Variants in DGKZ observed in about 807,000 individuals in gnomAD.
DGKZ encodes diacylglycerol kinase zeta.
Under a neutral mutation model 142.5 loss-of-function variants are expected in DGKZ, and 45 were observed. The observed-to-expected ratio is 0.32, with a 90% CI of 0.25 to 0.40. DGKZ has a LOEUF of 0.40. DGKZ is among the 10% of genes least tolerant of loss of function. DGKZ has a pLI of 1.00. For missense variants in DGKZ, 755 were observed against 1,306.5 expected (o/e 0.58, Z 6.51); for synonymous variants, 442 against 527.0 (o/e 0.84, Z 2.21).
At chr11:46,345,274 C>T, upstream of DGKZ, 11 of 1,359,408 alleles carry the variant, frequency 8.1e-6, no homozygotes, top group South Asian at 1.9e-5. The surrounding 1 kb of genome is among the most constrained non-coding windows in gnomAD (Gnocchi z 4.1). Flanking sequence ...GGCAGCTGGC[C>T]CCAGCCAGCG....
At chr11:46,369,536 A>G (rs1166788186) in exon 5 of DGKZ, 4 of 1,613,022 alleles carry the variant, frequency 2.5e-6, no homozygotes, top group Admixed American at 1.7e-5. Flanking sequence ...ATCAGGCTCC[A>G]GGAATGTCCG....
At chr11:46,370,140 C>A in intron 6 of DGKZ, 131 bp downstream of exon 6, 4 of 1,101,954 alleles carry the variant, frequency 3.6e-6, no homozygotes, top group East Asian at 5.0e-5. Context: ...CTCAGCCTGG[C>A]TGCAGTGCCT....
exon 21 of DGKZ, chr11:46,375,894 G>A (rs1259246508): frequency 2.5e-5 from 39 of 1,587,806 alleles, no homozygotes; most frequent in African/African-American, 4.0e-5. Context: ...GGTGAGTCGC[G>A]TCAGCATGCA....
intron 14 of DGKZ, among the ~76,000 whole-genome samples, chr11:46,373,522 CAG>C (rs1944222070): frequency 7.0e-6 from 1 of 142,314 alleles, no homozygotes; most frequent in Non-Finnish European, 1.5e-5. Flanking sequence ...TTTTTTGTGA[CAG>C]AGTCTCACTG....
rs151281140 is a variant in DGKZ at position 46,374,287 on chromosome 11, G to A, written c.1405+52G>A. 893 of 1,612,188 alleles carry A rather than the reference G, an allele frequency of 5.5e-4. 8 individuals are homozygous for A. The African/African-American group carries it at 0.01, about 19-fold the overall frequency. ...GCAGGGTGGGCACAGGAGTGTCCCC[G>A]GGAGGGTCAGACCCTGCTCCCGCCA... On this transcript the variant is annotated intron_variant, in intron 15 of 30. Coordinates refer to ENST00000527911, the Ensembl canonical transcript of DGKZ.
chr11:46,335,768 G>A (rs949209213), intron 1 of DGKZ, among the ~76,000 whole-genome samples: 2 of 152,250 alleles, frequency 1.3e-5, no homozygotes, highest in African/African-American at 4.8e-5. Context: ...AGGACAGACA[G>A]ACAAGCCCTG....
At chr11:46,353,695 G>A (rs758637901) in intron 1 of DGKZ, among the ~76,000 whole-genome samples, 2 of 152,128 alleles carry the variant, frequency 1.3e-5, no homozygotes, top group African/African-American at 4.8e-5. Flanking sequence ...CGCTTCACTC[G>A]TACCCAGTGC....
intron 24 of DGKZ, chr11:46,376,774 G>A (rs1944594384): frequency 9.7e-6 from 7 of 725,144 alleles, no homozygotes; most frequent in South Asian, 7.4e-5. Context: ...AAAGGCAGTG[G>A]GGTACCTACC....
intron 5 of DGKZ, 183 bp downstream of exon 5, chr11:46,369,733 T>A: frequency 1.1e-6 from 1 of 918,910 alleles, no homozygotes; most frequent in South Asian, 1.6e-5. Flanking sequence ...TGGGACAGCT[T>A]GTGCCTCCTG....
intron 9 of DGKZ, 106 bp from the exon 10 acceptor site, chr11:46,371,969 C>CG (rs1335791569): frequency 7.9e-7 from 1 of 1,266,104 alleles, no homozygotes; most frequent in African/African-American, 1.5e-5. Flanking sequence ...AGAGATGGTA[C>CG]GTGAGGGTAC....
At chr11:46,357,199 G>A (rs1298411621) in intron 1 of DGKZ, among the ~76,000 whole-genome samples, 1 of 152,136 alleles carries the variant, frequency 6.6e-6, no homozygotes, top group Non-Finnish European at 1.5e-5. Context: ...TTTCACCAAG[G>A]AGCTCAGGCC....
At chr11:46,379,622 A>G in intron 30 of DGKZ, 54 bp downstream of exon 30, 1 of 1,499,656 alleles carries the variant, frequency 6.7e-7, no homozygotes, top group Non-Finnish European at 9.1e-7. Flanking sequence ...ACCTTTCCCA[A>G]GGTCCTAGGC....
intron 1 of DGKZ, chr11:46,338,558 A>C (rs947284733): frequency 6.7e-6 from 1 of 149,776 alleles, no homozygotes; most frequent in Non-Finnish European, 1.5e-5. Flanking sequence ...AAAAACAAGC[A>C]GCAGGCTGGA....
At chr11:46,333,416 G>C in exon 1 of DGKZ, 1 of 1,521,726 alleles carries the variant, frequency 6.6e-7, no homozygotes, top group Non-Finnish European at 8.8e-7. Context: ...AGGGTTCCCG[G>C]GGCACGGCCG....
In DGKZ at chr11:46,364,448, G is replaced by A. The variant is rs1373629483; in HGVS notation, c.162-2843G>A. 14 of 1,281,050 alleles carry A rather than the reference G, an allele frequency of 1.1e-5. No individual in the cohort carries two copies. The East Asian group carries it at 7.8e-4, about 71-fold the overall frequency. The allele number at this position is 1,281,050 out of a possible 1,614,324, so 79.4% of individuals were successfully genotyped here. Reference sequence around the variant, plus strand: ...CACCCATGCCTGCTGTCCTGCCCCTGCAGCTCCCTCCGGCCCAGGTGGTCT... The same window carrying A: ...CACCCATGCCTGCTGTCCTGCCCCTACAGCTCCCTCCGGCCCAGGTGGTCT... On this transcript the variant is annotated intron_variant, in intron 1 of 30. Transcript: ENST00000527911.
chr11:46,379,654 T>TCCCTGGGAAGACACAGTCCAGA, intron 30 of DGKZ, 86 bp downstream of exon 30: 1 of 1,365,762 alleles, frequency 7.3e-7, no homozygotes, highest in Non-Finnish European at 9.9e-7. Flanking sequence ...CTGGGGGCTG[T>TCCCTGGGAAGACACAGTCCAGA]CCCTGGGAAG....
intron 24 of DGKZ, 87 bp downstream of exon 24, chr11:46,376,651 CGA>C: frequency 6.5e-7 from 1 of 1,539,188 alleles, no homozygotes; most frequent in South Asian, 1.1e-5. Context: ...TTAGCTCCCC[CGA>C]TGGGCTCACC....
At chr11:46,349,889 T>C (rs1941149118) in intron 1 of DGKZ, among the ~76,000 whole-genome samples, 1 of 151,146 alleles carries the variant, frequency 6.6e-6, no homozygotes, top group Non-Finnish European at 1.5e-5. Flanking sequence ...GAAATACAGA[T>C]TCCTAGATCT....
At chr11:46,333,634 T>C in intron 1 of DGKZ, 1 of 768,290 alleles carries the variant, frequency 1.3e-6, no homozygotes, top group Non-Finnish European at 2.1e-6. Flanking sequence ...TCTTTTCGTG[T>C]ACAGCGGGAA....
Sources: gnomAD v4.1 joint callset for allele counts (sites outside exome capture counted in the v4.1 genomes callset) on GRCh38, gnomAD v4.1.1 for gene constraint, Gnocchi (gnomAD v3.1) non-coding constraint, MANE v1.5 for transcripts, NCBI Gene and HGNC (gene_info 2026-07-23, HGNC 2026-07-21) for gene names.